The following UGT2B11 variants were observed in gnomAD, a reference collection of about 807,000 sequenced individuals.
UGT2B11 encodes the protein UDP-glucuronosyltransferase 2B11.
A neutral mutation model predicts 51.7 loss-of-function variants in UGT2B11; 49 were observed. The observed-to-expected ratio is 0.95, with a 90% CI of 0.75 to 1.20. UGT2B11 has a LOEUF of 1.20. UGT2B11 is among the 50% of genes most tolerant of loss of function. UGT2B11 has a pLI of 0.00. For synonymous variants in UGT2B11, 273 were observed against 209.0 expected, an observed-to-expected ratio of 1.31 and a Z score of -2.64; for missense variants, 810 against 622.1, an observed-to-expected ratio of 1.30 and a Z score of -3.21.
At chr4:69,217,090 T>C (rs1281652656), upstream of UGT2B11, among the ~76,000 whole-genome samples, 1 of 152,174 alleles carries the variant, frequency 6.6e-6, no homozygotes, top group Non-Finnish European at 1.5e-5. Context: ...CTTTGCTTCA[T>C]TTGCAAATAT....
intron 2 of UGT2B11, among the ~76,000 whole-genome samples, chr4:69,211,568 C>G (rs1334391724): frequency 6.6e-6 from 1 of 151,554 alleles, no homozygotes; most frequent in Non-Finnish European, 1.5e-5. Context: ...TTCTGAGTCA[C>G]TGACTATATG....
At chr4:69,216,921 T>C (rs573160669), upstream of UGT2B11, among the ~76,000 whole-genome samples, 2 of 152,192 alleles carry the variant, frequency 1.3e-5, no homozygotes, top group East Asian at 1.9e-4. Flanking sequence ...CTATTCTTAT[T>C]TATCTTAACA....
At position 69,214,405 on chromosome 4, in the gene UGT2B11, C is replaced by A. The variant is rs151289575; in HGVS notation, c.318G>T (p.Trp106Cys). The A allele has an allele frequency of 2.6e-5, 42 of 1,612,874 alleles. No homozygotes were observed. The highest frequency in any genetic ancestry group is 3.5e-5 in the Non-Finnish European group (41 of 1,179,472). ...TTTCTTGTTCTTGTGAAAAATATAA[C>A]CAAAAGCTATCTTTTCGAATGTCTG... ...RWSDIRKDSF[W>C]LYFSQEQEIL... Residue 106 changes from tryptophan (W) to cysteine (C), a missense_variant, in exon 1 of 6, where the codon TGG becomes TGT. Transcript: ENST00000446444.
At chr4:69,223,650 T>A in the UGT2B11 span, among the ~76,000 whole-genome samples, 2 of 152,098 alleles carry the variant, frequency 1.3e-5, no homozygotes, top group Admixed American at 1.3e-4. Context: ...CAAGGAGAAA[T>A]CTCTGAATTA....
chr4:69,210,663 A>T (rs1207122780), intron 2 of UGT2B11, among the ~76,000 whole-genome samples: 1 of 151,526 alleles, frequency 6.6e-6, no homozygotes, highest in Non-Finnish European at 1.5e-5. Context: ...GAATGGGGAA[A>T]TCTTTCAAGA....
chr4:69,222,991 T>C, the UGT2B11 span, among the ~76,000 whole-genome samples: 2 of 152,174 alleles, frequency 1.3e-5, no homozygotes, highest in Non-Finnish European at 2.9e-5. Flanking sequence ...TGGCCCTCTG[T>C]CCTTTGGGCA....
chr4:69,224,302 G>T, the UGT2B11 span, among the ~76,000 whole-genome samples: 2 of 150,774 alleles, frequency 1.3e-5, no homozygotes, highest in African/African-American at 5.0e-5. Flanking sequence ...GCCTTTGGAG[G>T]GGCCATGGTC....
intron 1 of UGT2B11, among the ~76,000 whole-genome samples, chr4:69,213,795 T>C (rs1458032045): frequency 6.6e-6 from 1 of 151,864 alleles, no homozygotes; most frequent in Non-Finnish European, 1.5e-5. Context: ...GGGTGTTCTG[T>C]TTGAGTGATG....
At chr4:69,218,033 G>T (rs1248863726), upstream of UGT2B11, among the ~76,000 whole-genome samples, 1 of 152,090 alleles carries the variant, frequency 6.6e-6, no homozygotes, top group African/African-American at 2.4e-5. Context: ...AGTCATTTTG[G>T]TTATAAGAAT....
At chr4:69,211,789 C>T (rs1194893922) in intron 2 of UGT2B11, among the ~76,000 whole-genome samples, 3 of 151,472 alleles carry the variant, frequency 2.0e-5, no homozygotes, top group Admixed American at 1.3e-4. Flanking sequence ...CATTGAATAT[C>T]TTGGAGGCTT....
chr4:69,223,423 T>C, the UGT2B11 span, among the ~76,000 whole-genome samples: 1 of 152,168 alleles, frequency 6.6e-6, no homozygotes, highest in African/African-American at 2.4e-5. Flanking sequence ...CTCCATCTAC[T>C]GGATTTAACC....
At chr4:69,209,577 GA>G (rs1276588549) in intron 2 of UGT2B11, among the ~76,000 whole-genome samples, 5 of 150,940 alleles carry the variant, frequency 3.3e-5, no homozygotes, top group Admixed American at 2.0e-4. Context: ...ACAAAACAAA[GA>G]AAAAAACGTC....
Position 69,205,624 on chromosome 4 carries a change from G to A in UGT2B11, c.1003-57C>T, listed in dbSNP as rs182581301. The A allele has an allele frequency of 4.0e-3, 6,225 of 1,555,592 alleles. 28 individuals carry two copies. Among genetic ancestry groups the A allele is most frequent in the Middle Eastern group, 0.013 (60 of 4,606 alleles). On this transcript the variant is annotated intron_variant, in intron 3 of 5. Transcript: ENST00000446444. ...GAGTGGAACTCAAAAATTATAGAATGTTAGAACTGTAGAAAGCATAGGAAT... is the reference window on the plus strand; with the variant it reads ...GAGTGGAACTCAAAAATTATAGAATATTAGAACTGTAGAAAGCATAGGAAT...
intron 5 of UGT2B11, 77 bp downstream of exon 5, chr4:69,204,353 G>A (rs2109941660): frequency 2.5e-6 from 4 of 1,574,776 alleles, no homozygotes; most frequent in Non-Finnish European, 3.5e-6. Flanking sequence ...CTTATAAAAA[G>A]GATGAAACTC....
At chr4:69,204,339 C>T in intron 5 of UGT2B11, 91 bp downstream of exon 5, 1 of 1,531,452 alleles carries the variant, frequency 6.5e-7, no homozygotes, top group Admixed American at 1.9e-5. Context: ...TTCAAGATTA[C>T]TCTCTTATAA....
chr4:69,203,524 A>G (rs1721736497), intron 5 of UGT2B11, among the ~76,000 whole-genome samples: 2 of 151,780 alleles, frequency 1.3e-5, no homozygotes, highest in Admixed American at 6.6e-5. Flanking sequence ...AGTAAAACAT[A>G]TTTATGCAAA....
rs190321390 is a variant in UGT2B11, at chr4:69,200,342, G to T, written c.*98C>A. 528 of 992,682 alleles carry T rather than the reference G, an allele frequency of 5.3e-4. 5 individuals are homozygous for T. In the African/African-American group the frequency reaches 8.3e-3, roughly 16 times the overall value. 61.5% of individuals were successfully genotyped at this position (992,682 alleles called of 1,614,324 possible). ...TTTTTTTTTTTTTTTTTTGTCACAG[G>T]AAGAAAGAAATCTTGCATAACAATC... On this transcript the variant is annotated 3_prime_UTR_variant, in exon 6 of 6. Coordinates refer to ENST00000446444, the MANE Select transcript of UGT2B11 (RefSeq NM_001073.3).
Position 69,208,453 on chromosome 4 carries a change from T to C in UGT2B11, c.900A>G (p.Gly300=). 1 of 1,609,410 alleles carries C rather than the reference T, an allele frequency of 6.2e-7. No individual in the cohort carries two copies. Among genetic ancestry groups the C allele is most frequent in the Non-Finnish European group, 8.5e-7 (1 of 1,177,976 alleles). The change falls in exon 3 of 6, where the codon GGA becomes GGG. Residue 300 remains glycine (G), a synonymous_variant. Coordinates refer to ENST00000446444, the MANE Select transcript of UGT2B11 (RefSeq NM_001073.3). The part of the protein sequence containing the change: ...KEMEEFVQSS[G]ENGVVVFSLG... ...GAGAAAACACCACAACACCATTTTC[T>C]CCAGAGCTCTGTACAAACTCCTCCA...
chr4:69,202,277 C>T (rs1218436793), intron 5 of UGT2B11, among the ~76,000 whole-genome samples: 1 of 151,620 alleles, frequency 6.6e-6, no homozygotes, highest in Admixed American at 6.6e-5. Flanking sequence ...TTATGTATAT[C>T]TGTTGTGTAT....
Sources: allele counts gnomAD v4.1 joint callset (sites outside exome capture counted in the v4.1 genomes callset), GRCh38; gene constraint gnomAD v4.1.1; transcripts MANE v1.5; gene names NCBI Gene and HGNC (gene_info 2026-07-23, HGNC 2026-07-21).